Variants in RAP1GAP2 observed in about 807,000 individuals in gnomAD.
RAP1GAP2 encodes RAP1 GTPase activating protein 2, also known as rap1 GTPase-activating protein 2.
RAP1GAP2 carries 27 observed loss-of-function variants against 95.0 expected under a neutral mutation model. That is an observed-to-expected ratio of 0.28 (90% confidence interval 0.21 to 0.39). The LOEUF (loss-of-function observed/expected upper bound fraction) is 0.39, where lower values mean the gene tolerates loss of function less well. Among genes scored for constraint, RAP1GAP2 ranks in the 10% least tolerant of loss-of-function variants. The probability of loss-of-function intolerance (pLI) is 1.00; values close to 1 mark genes in which losing one functional copy is unlikely to be tolerated. For missense variants in RAP1GAP2, 771 were observed against 970.0 expected (o/e 0.79, Z 2.72); for synonymous variants, 373 against 380.9 (o/e 0.98, Z 0.24).
At chr17:2,966,564 TAAC>T (rs1597746490) in intron 8 of RAP1GAP2, among the ~76,000 whole-genome samples, 1 of 152,300 alleles carries the variant, frequency 6.6e-6, no homozygotes, top group East Asian at 1.9e-4. Context: ...TAAGGACATA[TAAC>T]CCCACTTTGG....
At chr17:2,826,340 C>T (rs6502554) in intron 2 of RAP1GAP2, among the ~76,000 whole-genome samples, 1 of 151,488 alleles carries the variant, frequency 6.6e-6, no homozygotes, top group Non-Finnish European at 1.5e-5. Flanking sequence ...GCAAAGGCTG[C>T]GGGTGGGTGG....
intron 3 of RAP1GAP2, among the ~76,000 whole-genome samples, chr17:2,950,480 T>C (rs1261235056): frequency 1.3e-5 from 2 of 152,128 alleles, no homozygotes; most frequent in African/African-American, 4.8e-5. Context: ...AGCTTTCCCA[T>C]AGCTCCTTCT....
intron 3 of RAP1GAP2, among the ~76,000 whole-genome samples, chr17:2,944,186 A>G (rs1026621765): frequency 2.7e-5 from 4 of 149,518 alleles, no homozygotes; most frequent in Non-Finnish European, 3.0e-5. Flanking sequence ...AAAAAAAACC[A>G]AACCACAAAA....
intron 3 of RAP1GAP2, among the ~76,000 whole-genome samples, chr17:2,950,758 C>G (rs2043895344): frequency 6.6e-6 from 1 of 151,730 alleles, no homozygotes; most frequent in African/African-American, 2.4e-5. Context: ...TTACAGGTGC[C>G]CGCCACCATG....
Position 2,969,179 on chromosome 17 carries a change from C to CTATCTATCTATCTATCTATCTA in RAP1GAP2, c.596+3539_596+3540insCTATCTATCTATCTATCTATAT, listed in dbSNP as rs1555581850. On this transcript the variant is annotated intron_variant, in intron 8 of 24. Transcript: ENST00000254695. ...TATTTTTCTTTATCTATCTATCTAT[C>CTATCTATCTATCTATCTATCTA]TATATATATATATATCTGTTTCTGT... Among the ~76,000 whole-genome samples the CTATCTATCTATCTATCTATCTA allele has an allele frequency of 1.8e-4, 26 of 143,218 alleles. No homozygotes were observed. In the East Asian group the frequency reaches 2.2e-3, roughly 12 times the overall value. 94.0% of individuals were successfully genotyped at this position (143,218 alleles called of 152,430 possible).
At chr17:2,838,637 G>C (rs2071247352) in intron 2 of RAP1GAP2, among the ~76,000 whole-genome samples, 1 of 152,166 alleles carries the variant, frequency 6.6e-6, no homozygotes, top group Middle Eastern at 3.2e-3. Context: ...CTCCAGATGA[G>C]GAAGGGAGGC....
chr17:2,972,013 T>TACTA (rs1450105056), intron 8 of RAP1GAP2, among the ~76,000 whole-genome samples: 3 of 152,194 alleles, frequency 2.0e-5, no homozygotes, highest in African/African-American at 7.2e-5. Flanking sequence ...ATTAAATGAT[T>TACTA]ACTAATGGAT....
chr17:2,920,170 A>G (rs1032961965), intron 3 of RAP1GAP2, among the ~76,000 whole-genome samples: 1 of 152,108 alleles, frequency 6.6e-6, no homozygotes, highest in Non-Finnish European at 1.5e-5. Flanking sequence ...ACGCCCTGCT[A>G]GGCTTAAAAA....
At chr17:3,018,529 G>C (rs2046853885) in intron 18 of RAP1GAP2, among the ~76,000 whole-genome samples, 1 of 152,102 alleles carries the variant, frequency 6.6e-6, no homozygotes, top group African/African-American at 2.4e-5. Context: ...TGCTGCTCAG[G>C]GGCTCGGGAC....
intron 3 of RAP1GAP2, among the ~76,000 whole-genome samples, chr17:2,951,149 C>T (rs569954037): frequency 6.6e-6 from 1 of 152,348 alleles, no homozygotes; most frequent in East Asian, 1.9e-4. Context: ...CAGCTTTGCT[C>T]TCCCATCTGA....
chr17:2,833,032 A>G (rs1265879755), intron 2 of RAP1GAP2, among the ~76,000 whole-genome samples: 2 of 152,060 alleles, frequency 1.3e-5, no homozygotes, highest in Non-Finnish European at 2.9e-5. Context: ...AGTAACCATC[A>G]ATGTCCATAC....
chr17:2,895,140 C>A (rs920972405), intron 2 of RAP1GAP2, among the ~76,000 whole-genome samples: 19 of 152,228 alleles, frequency 1.2e-4, no homozygotes, highest in Non-Finnish European at 2.6e-4. Flanking sequence ...CAGAAGGCAC[C>A]TTTACGTCAC....
intron 2 of RAP1GAP2, among the ~76,000 whole-genome samples, chr17:2,876,027 C>T (rs1214445677): frequency 1.3e-5 from 2 of 151,658 alleles, no homozygotes; most frequent in African/African-American, 2.4e-5. Flanking sequence ...AATCTCCGCC[C>T]CCCGGGTTCA....
chr17:2,810,828 C>CTCTATGTTT (rs1305506278), intron 2 of RAP1GAP2, among the ~76,000 whole-genome samples: 1 of 152,082 alleles, frequency 6.6e-6, no homozygotes, highest in Non-Finnish European at 1.5e-5. Flanking sequence ...CGCGCCTGGC[C>CTCTATGTTT]AACAAAAGTC....
chr17:2,852,928 C>T (rs1285424838), intron 2 of RAP1GAP2, among the ~76,000 whole-genome samples: 1 of 152,144 alleles, frequency 6.6e-6, no homozygotes, highest in Non-Finnish European at 1.5e-5. Context: ...AGATGAGGCT[C>T]GCGCGCGGCT....
chr17:2,918,004 C>T lies in RAP1GAP2; in HGVS notation c.165+12636C>T, dbSNP rs150512667. The stretch of plus-strand genomic sequence containing the variant: ...GTGCTGGGATTACAGGCATAAGCCA[C>T]TGCACCTGGCCAAAGCTTACCCTCT... On this transcript the variant is annotated intron_variant, in intron 3 of 24. Transcript: ENST00000254695. Among the ~76,000 whole-genome samples the T allele has an allele frequency of 7.1e-3, 1,080 of 152,246 alleles. 11 individuals carry two copies. The highest frequency in any genetic ancestry group is 8.4e-3 in the Non-Finnish European group (572 of 68,008).
chr17:2,854,039 T>G, intron 2 of RAP1GAP2: 1 of 985,086 alleles, frequency 1.0e-6, no homozygotes, highest in Non-Finnish European at 1.2e-6. Flanking sequence ...AAGGCGGGGA[T>G]CCGCGCCGCC....
intron 3 of RAP1GAP2, among the ~76,000 whole-genome samples, chr17:2,924,796 G>T (rs548307173): frequency 5.3e-5 from 8 of 152,280 alleles, no homozygotes; most frequent in South Asian, 2.1e-4. Flanking sequence ...TCGTCTTGGA[G>T]CCTATCTCCT....
chr17:2,790,640 G>A (rs898851523), intron 1 of RAP1GAP2, among the ~76,000 whole-genome samples: 2 of 152,220 alleles, frequency 1.3e-5, no homozygotes. Context: ...AGACCACCTA[G>A]TGCCTGCTTC....
Sources: allele counts gnomAD v4.1 joint callset (sites outside exome capture counted in the v4.1 genomes callset), GRCh38; gene constraint gnomAD v4.1.1; transcripts MANE v1.5; gene names NCBI Gene and HGNC (gene_info 2026-07-23, HGNC 2026-07-21).